Variants in MYO10 observed in about 807,000 individuals in gnomAD.
MYO10 encodes unconventional myosin-X.
MYO10 carries 133 observed loss-of-function variants against 257.3 expected under a neutral mutation model. The ratio of observed to expected loss-of-function variants is 0.52; its 90% CI spans 0.45 to 0.60. The LOEUF is 0.60. Ranked by LOEUF, MYO10 falls within the 20% of genes least tolerant of loss-of-function variation. The pLI is 0.00. For synonymous variants in MYO10, 1,104 were observed against 1,028.6 expected (o/e 1.07, Z -1.40); for missense variants, 2,399 against 2,635.7 (o/e 0.91, Z 1.97).
intron 2 of MYO10, among the ~76,000 whole-genome samples, chr5:16,872,527 T>C (rs1020994687): frequency 4.6e-5 from 7 of 152,206 alleles, no homozygotes; most frequent in Non-Finnish European, 1.0e-4. Context: ...ATGTGATTCT[T>C]ACCATAATTT....
chr5:16,930,236 G>A (rs964687722), intron 1 of MYO10, among the ~76,000 whole-genome samples: 1 of 152,086 alleles, frequency 6.6e-6, no homozygotes, highest in Non-Finnish European at 1.5e-5. Context: ...TGTTAGAGAC[G>A]GTTTCAAAAA....
intron 19 of MYO10, among the ~76,000 whole-genome samples, chr5:16,713,044 A>C (rs936742520): frequency 3.9e-5 from 6 of 152,218 alleles, no homozygotes; most frequent in Non-Finnish European, 8.8e-5. Context: ...CACTGTATAG[A>C]GCAAATATAA....
At chr5:16,667,925 T>C (rs1449515239) in intron 40 of MYO10, among the ~76,000 whole-genome samples, 1 of 152,198 alleles carries the variant, frequency 6.6e-6, no homozygotes, top group Non-Finnish European at 1.5e-5. Context: ...CTCACAGCTG[T>C]GACACCGCTA....
Position 16,671,464 on chromosome 5 carries a change from G to A in MYO10, c.5388C>T (p.Asn1796=), listed in dbSNP as rs746662390. 30 of 1,613,848 alleles carry A rather than the reference G, an allele frequency of 1.9e-5. No individual in the cohort carries two copies. The highest frequency in any genetic ancestry group is 2.3e-5 in the Non-Finnish European group (27 of 1,179,876). The change falls in exon 38 of 41, where the codon AAC becomes AAT. Residue 1796 remains asparagine, a synonymous_variant. Coordinates refer to ENST00000513610, the MANE Select transcript of MYO10 (RefSeq NM_012334.3). Reference sequence around the variant, plus strand: ...CAAACTCCACACTGTCTTTTGGCACGTTGTCTGTGTCCAGGAAGCAGTAAA... The same window carrying A: ...CAAACTCCACACTGTCTTTTGGCACATTGTCTGTGTCCAGGAAGCAGTAAA... The part of the protein sequence containing the change: ...FKLYCFLDTD[N]VPKDSVEFAF...
intron 4 of MYO10, among the ~76,000 whole-genome samples, chr5:16,789,633 A>AT (rs1284549673): frequency 2.6e-5 from 4 of 152,152 alleles, no homozygotes; most frequent in South Asian, 2.1e-4. Context: ...TAAAAATACG[A>AT]TAAAAAAAAG....
chr5:16,882,651 A>T, intron 1 of MYO10, among the ~76,000 whole-genome samples: 1 of 152,204 alleles, frequency 6.6e-6, no homozygotes, highest in East Asian at 1.9e-4. Context: ...GCCAGATACA[A>T]AAGGCTACAT....
rs546397498 is a variant in MYO10 at position 16,890,620 on chromosome 5, A to C, written c.22-12913T>G. ...TTTGGGAGGCCGGGGCAGGCAGATCACCTGAGGTCAGGAGTTCGAGACCAG... is the reference window on the plus strand; with the variant it reads ...TTTGGGAGGCCGGGGCAGGCAGATCCCCTGAGGTCAGGAGTTCGAGACCAG... On this transcript the variant is annotated intron_variant, in intron 1 of 40. Coordinates refer to ENST00000513610, the MANE Select transcript of MYO10 (RefSeq NM_012334.3). Among the ~76,000 whole-genome samples, 14 of 151,718 alleles carry C rather than the reference A, an allele frequency of 9.2e-5. 1 individual carries two copies. The highest frequency in any genetic ancestry group is 8.3e-4 in the South Asian group (4 of 4,818).
chr5:16,693,439 T>C (rs1737595801), intron 27 of MYO10, among the ~76,000 whole-genome samples: 1 of 152,246 alleles, frequency 6.6e-6, no homozygotes, highest in South Asian at 2.1e-4. Context: ...AGCCTGGAAA[T>C]GTCCAATATT....
chr5:16,873,889 T>C (rs1744516717), intron 2 of MYO10, among the ~76,000 whole-genome samples: 2 of 152,098 alleles, frequency 1.3e-5, no homozygotes. Context: ...AAACCATTTT[T>C]CCTCCTGGGC....
chr5:16,727,810 T>G (rs934654014), intron 19 of MYO10, among the ~76,000 whole-genome samples: 2 of 149,730 alleles, frequency 1.3e-5, no homozygotes, highest in African/African-American at 4.9e-5. Flanking sequence ...AGGACAGAGC[T>G]GTAATAAAGC....
In MYO10 at chr5:16,728,555, TAA is replaced by T. The variant is rs569618012; in HGVS notation, c.1930-17312_1930-17311del. Among the ~76,000 whole-genome samples, 22 of 152,114 alleles carry T rather than the reference TAA, an allele frequency of 1.4e-4. 2 individuals are homozygous for T. The East Asian group carries it at 4.0e-3, about 28-fold the overall frequency. On this transcript the variant is annotated intron_variant, in intron 19 of 40. Transcript: ENST00000513610. ...GCTACATATAGTCTCCTTCCTGAAT[TAA>T]AAGTTAAACGGCATATAATGACACC...
At chr5:16,771,783 G>A (rs62369286) in intron 9 of MYO10, among the ~76,000 whole-genome samples, 3 of 151,326 alleles carry the variant, frequency 2.0e-5, no homozygotes, top group African/African-American at 4.9e-5. Flanking sequence ...GTTTTGCGGT[G>A]TTGCCCAAGC....
chr5:16,702,864 T>C lies in MYO10; in HGVS notation c.2510+61A>G, dbSNP rs17429486. On this transcript the variant is annotated intron_variant, in intron 23 of 40. Transcript: ENST00000513610. ...TGGGATTTCTGGCTGCACAGACAGA[T>C]ACCGAGCACAGCACTCAAAATGTAT... The C allele has an allele frequency of 6.4e-3, 9,172 of 1,430,112 alleles. 37 individuals carry two copies. Among genetic ancestry groups the C allele is most frequent in the Admixed American group, 7.7e-3 (377 of 49,038 alleles). 88.6% of individuals were successfully genotyped at this position (1,430,112 alleles called of 1,614,324 possible).
At chr5:16,741,266 G>A (rs1740008722) in intron 19 of MYO10, among the ~76,000 whole-genome samples, 1 of 152,186 alleles carries the variant, frequency 6.6e-6, no homozygotes, top group Non-Finnish European at 1.5e-5. Flanking sequence ...ATGCTTGTGT[G>A]AAACAAGCAC....
intron 1 of MYO10, among the ~76,000 whole-genome samples, chr5:16,892,516 G>A (rs919168410): frequency 6.6e-6 from 1 of 152,090 alleles, no homozygotes; most frequent in Non-Finnish European, 1.5e-5. Context: ...GGTGGCATGC[G>A]CCTATAGTCC....
At chr5:16,832,005 C>G (rs1033769648) in intron 2 of MYO10, among the ~76,000 whole-genome samples, 6 of 152,122 alleles carry the variant, frequency 3.9e-5, no homozygotes, top group Non-Finnish European at 7.3e-5. Context: ...TGCAGTGGAG[C>G]AATCTCAGCT....
At chr5:16,669,491 A>G (rs1051204186) in intron 39 of MYO10, among the ~76,000 whole-genome samples, 1 of 152,208 alleles carries the variant, frequency 6.6e-6, no homozygotes, top group African/African-American at 2.4e-5. Flanking sequence ...GGCATGAGCC[A>G]CCGCGCCCGG....
At chr5:16,798,294 C>T (rs1443121906) in intron 3 of MYO10, among the ~76,000 whole-genome samples, 1 of 152,040 alleles carries the variant, frequency 6.6e-6, no homozygotes, top group Non-Finnish European at 1.5e-5. Flanking sequence ...GTACTAAATG[C>T]CACTGAGTTG....
At chr5:16,898,659 T>A (rs1745281671) in intron 1 of MYO10, among the ~76,000 whole-genome samples, 1 of 151,458 alleles carries the variant, frequency 6.6e-6, no homozygotes, top group African/African-American at 2.4e-5. Context: ...TCCACCCACC[T>A]CAGCCTCTCA....
Sources: allele counts gnomAD v4.1 joint callset (sites outside exome capture counted in the v4.1 genomes callset), GRCh38; gene constraint gnomAD v4.1.1; transcripts MANE v1.5; gene names NCBI Gene and HGNC (gene_info 2026-07-23, HGNC 2026-07-21).